The following STK3 variants were observed in gnomAD, a reference collection of about 807,000 sequenced individuals.
The protein encoded by STK3 is serine/threonine kinase 3.
In STK3, 41 loss-of-function variants were observed where a neutral mutation model predicts 58.0. The observed-to-expected ratio is 0.71, with a 90% CI of 0.55 to 0.92. STK3 has a LOEUF of 0.92. Ranked by LOEUF, STK3 falls within the 40% of genes least tolerant of loss-of-function variation. The pLI, the probability that STK3 is intolerant of heterozygous loss-of-function variation, is 0.00. For missense variants in STK3, 479 were observed against 602.7 expected, an observed-to-expected ratio of 0.79 and a Z score of 2.15; for synonymous variants, 170 against 191.0, an observed-to-expected ratio of 0.89 and a Z score of 0.91.
At chr8:98,854,174 T>C (rs1190339005) in intron 3 of STK3, among the ~76,000 whole-genome samples, 1 of 152,216 alleles carries the variant, frequency 6.6e-6, no homozygotes, top group Non-Finnish European at 1.5e-5. Context: ...AGGCTTGTTC[T>C]GTCACCCAGG....
At chr8:98,632,750 A>G (rs911787852) in intron 6 of STK3, among the ~76,000 whole-genome samples, 2 of 152,198 alleles carry the variant, frequency 1.3e-5, no homozygotes, top group African/African-American at 4.8e-5. Flanking sequence ...AGCAATTTAT[A>G]ACACCAGTCC....
At chr8:98,842,580 A>T (rs1836038154) in intron 3 of STK3, among the ~76,000 whole-genome samples, 1 of 152,128 alleles carries the variant, frequency 6.6e-6, no homozygotes, top group Non-Finnish European at 1.5e-5. Flanking sequence ...CAGGAAACTG[A>T]GGTGGGAGGA....
At chr8:98,879,476 C>T (rs1374923993), downstream of STK3, 3 of 152,128 alleles carry the variant, frequency 2.0e-5, no homozygotes, top group South Asian at 2.1e-4. Context: ...TTCCATTACA[C>T]TTCTGTCAAT....
At chr8:98,693,214 T>A (rs1485621628) in intron 6 of STK3, among the ~76,000 whole-genome samples, 1 of 151,966 alleles carries the variant, frequency 6.6e-6, no homozygotes, top group Admixed American at 6.6e-5. Flanking sequence ...CTGGGCAACA[T>A]GGTGAACCCC....
intron 1 of STK3, among the ~76,000 whole-genome samples, chr8:98,898,291 A>G (rs1838531141): frequency 6.6e-6 from 1 of 152,198 alleles, no homozygotes; most frequent in South Asian, 2.1e-4. Flanking sequence ...ATTCCTGTCA[A>G]ACAGACTCTG....
At chr8:98,728,510 A>G (rs948642228) in intron 4 of STK3, among the ~76,000 whole-genome samples, 5 of 152,206 alleles carry the variant, frequency 3.3e-5, no homozygotes, top group African/African-American at 9.7e-5. Flanking sequence ...AAATATATAT[A>G]TATACAAGCT....
intron 10 of STK3, among the ~76,000 whole-genome samples, chr8:98,492,758 C>T (rs187657281): frequency 1.3e-3 from 194 of 152,074 alleles, no homozygotes; most frequent in Middle Eastern, 3.4e-3. Context: ...AAGGCTGCAC[C>T]CACTCTTATC....
chr8:98,917,754 A>T (rs548408276), intron 1 of STK3, among the ~76,000 whole-genome samples: 2 of 152,300 alleles, frequency 1.3e-5, no homozygotes, highest in African/African-American at 2.4e-5. Context: ...GACATCATCC[A>T]TCTTGGAAGA....
chr8:98,663,947 G>A (rs72666674), intron 6 of STK3, among the ~76,000 whole-genome samples: 16 of 152,220 alleles, frequency 1.1e-4, no homozygotes, highest in Non-Finnish European at 1.9e-4. Flanking sequence ...TCAAAGGATT[G>A]TTGAGAAGAC....
intron 2 of STK3, among the ~76,000 whole-genome samples, chr8:98,768,682 ACT>A (rs1164228815): frequency 3.9e-5 from 6 of 152,090 alleles, no homozygotes; most frequent in Non-Finnish European, 7.4e-5. Flanking sequence ...CTTTCTAAGG[ACT>A]CCTCAGCACT....
At chr8:98,641,466 T>C (rs1055564185) in intron 6 of STK3, among the ~76,000 whole-genome samples, 2 of 152,178 alleles carry the variant, frequency 1.3e-5, no homozygotes, top group Non-Finnish European at 2.9e-5. Context: ...GCATACAGGA[T>C]TCATTCATCC....
chr8:98,507,111 T>C (rs1824158224), intron 10 of STK3, among the ~76,000 whole-genome samples: 2 of 152,220 alleles, frequency 1.3e-5, no homozygotes, highest in South Asian at 2.1e-4. Context: ...TCTCTATATA[T>C]ACTCATTTCT....
chr8:98,415,322 C>A (rs2131046646), intron 3 of STK3, among the ~76,000 whole-genome samples: 1 of 152,318 alleles, frequency 6.6e-6, no homozygotes, highest in Non-Finnish European at 1.5e-5. Context: ...CATAAATCAA[C>A]TAAGACAGAC....
At chr8:98,744,770 G>A (rs562336197) in intron 4 of STK3, among the ~76,000 whole-genome samples, 1 of 151,878 alleles carries the variant, frequency 6.6e-6, no homozygotes, top group Non-Finnish European at 1.5e-5. Flanking sequence ...GCAGAAGCAG[G>A]CAAATAAATC....
chr8:98,695,569 A>G (rs188976259), intron 6 of STK3, among the ~76,000 whole-genome samples: 1,731 of 152,312 alleles, frequency 0.011, 32 homozygotes, highest in African/African-American at 0.04. Context: ...ACATATGGCT[A>G]GCCAGTTTTC....
chr8:98,639,653 C>T (rs531311519), intron 6 of STK3, among the ~76,000 whole-genome samples: 2 of 152,146 alleles, frequency 1.3e-5, no homozygotes, highest in Non-Finnish European at 2.9e-5. Flanking sequence ...CTTTTCAAAA[C>T]CAAAGGCATA....
chr8:98,420,544 C>A (rs937024612), intron 3 of STK3, among the ~76,000 whole-genome samples: 2 of 152,120 alleles, frequency 1.3e-5, no homozygotes, highest in South Asian at 4.2e-4. Context: ...GTATCCCCTG[C>A]AGATAAGGGG....
intron 10 of STK3, among the ~76,000 whole-genome samples, chr8:98,493,009 T>C (rs556631898): frequency 1.1e-4 from 16 of 152,088 alleles, no homozygotes; most frequent in Admixed American, 7.9e-4. Context: ...GGCGGGAGGA[T>C]TGCCTGAGCC....
intron 7 of STK3, among the ~76,000 whole-genome samples, chr8:98,592,095 G>C (rs995324137): frequency 4.6e-5 from 7 of 152,016 alleles, no homozygotes; most frequent in African/African-American, 1.7e-4. Flanking sequence ...ATACTTTGTT[G>C]CAATATTATG....
Sources: gnomAD v4.1 joint callset for allele counts (sites outside exome capture counted in the v4.1 genomes callset) on GRCh38, gnomAD v4.1.1 for gene constraint, MANE v1.5 for transcripts, NCBI Gene and HGNC (gene_info 2026-07-23, HGNC 2026-07-21) for gene names.